Variants in COL11A2 observed in about 807,000 individuals in gnomAD.
COL11A2 encodes collagen alpha-2(XI) chain.
COL11A2 carries 116 observed loss-of-function variants against 273.4 expected under a neutral mutation model. The ratio of observed to expected loss-of-function variants is 0.42; its 90% CI spans 0.36 to 0.49. The LOEUF (loss-of-function observed/expected upper bound fraction) is 0.49. Among genes scored for constraint, COL11A2 ranks in the 20% least tolerant of loss-of-function variants. The pLI is 0.00. For synonymous variants in COL11A2, 782 were observed against 864.2 expected, an observed-to-expected ratio of 0.90 and a Z score of 1.67; for missense variants, 1,866 against 2,309.0, an observed-to-expected ratio of 0.81 and a Z score of 3.93.
chr6:33,185,201 C>T (rs1772240491), intron 6 of COL11A2, 147 bp from the exon 7 acceptor site: 1 of 703,112 alleles, frequency 1.4e-6, no homozygotes, highest in African/African-American at 1.8e-5. Flanking sequence ...CTTGCAGCCC[C>T]TTTGGAGGGG....
At position 33,168,757 on chromosome 6, in the gene COL11A2, G is replaced by A. The variant is rs774718325; in HGVS notation, c.3855C>T (p.Gly1285=). 1 of 1,596,680 alleles carries A rather than the reference G, an allele frequency of 6.3e-7. No individual in the cohort carries two copies. Among genetic ancestry groups the A allele is most frequent in the South Asian group, 1.1e-5 (1 of 88,538 alleles). ...CTCGGTCACCCTTAGCACCATCCTG[G>A]CCCTGCAGAAGTGAAGCAAGGTCAG... ...PGPPGEGGPR[G]QDGAKGDRGE... Residue 1285 remains glycine, a splice_region_variant and synonymous_variant, in exon 53 of 66, where the codon GGC becomes GGT. Coordinates refer to ENST00000341947, the MANE Select transcript of COL11A2 (RefSeq NM_080680.3).
chr6:33,175,590 C>G lies in COL11A2; in HGVS notation c.2360G>C (p.Gly787Ala). 1.2e-6 allele frequency: 2 copies of G among 1,612,924 alleles called. No homozygotes were observed. The highest frequency in any genetic ancestry group is 2.2e-5 in the South Asian group (2 of 91,080). The part of the protein sequence containing the change: ...TGPTGDPGPP[G>A]LMGEKGKLGV... ...TCCCATCACCTTCTCGCCCATGAGC[C>G]CTGGGGGCCCAGGGTCTCCAGTCGG... The change falls in exon 30 of 66, where the codon GGG becomes GCG. Residue 787 changes from glycine to alanine, a missense_variant. Gly to Ala is a moderately conservative substitution (Grantham distance 60, BLOSUM62 0). Coordinates refer to ENST00000341947, the MANE Select transcript of COL11A2 (RefSeq NM_080680.3).
In COL11A2 at chr6:33,172,643, C is replaced by T. The variant is rs751505735; in HGVS notation, c.2791-6G>A. 6.2e-7 allele frequency: 1 copy of T among 1,610,866 alleles called. No individual in the cohort carries two copies. The highest frequency in any genetic ancestry group is 8.5e-7 in the Non-Finnish European group (1 of 1,179,102). On this transcript the variant is annotated splice_polypyrimidine_tract_variant and splice_region_variant and intron_variant, in intron 38 of 65. Transcript: ENST00000341947. The stretch of plus-strand genomic sequence containing the variant: ...CCGGTTTCTCCTGCTGCTCCCTAGA[C>T]AAAAGCAGAGAGAGTTCCTGCTCTC...
At chr6:33,188,186 G>A (rs1772650725) in intron 4 of COL11A2, among the ~76,000 whole-genome samples, 176 bp downstream of exon 4, 1 of 152,016 alleles carries the variant, frequency 6.6e-6, no homozygotes, top group South Asian at 2.1e-4. Context: ...ATATAGGTAG[G>A]CATCTAGTTC....
At position 33,176,639 on chromosome 6, in the gene COL11A2, A is replaced by G; in HGVS notation, c.2115+82T>C. The G allele has an allele frequency of 6.9e-7, 1 of 1,450,832 alleles. No individual in the cohort carries two copies. The highest frequency in any genetic ancestry group is 1.8e-5 in the Admixed American group (1 of 54,436). The allele number at this position is 1,450,832 out of a possible 1,614,324, so 89.9% of individuals were successfully genotyped here. ...ATGTGGCAGAGCCATATGAATAATG[A>G]GACAAGGGAATCCCAAGGACTTTGA... On this transcript the variant is annotated intron_variant, in intron 26 of 65. Transcript: ENST00000341947. This position sits in a 1 kb window ranked among gnomAD's most constrained non-coding sequence, Gnocchi z 4.9.
intron 38 of COL11A2, 86 bp downstream of exon 38, chr6:33,172,974 G>C: frequency 7.0e-7 from 1 of 1,426,876 alleles, no homozygotes; most frequent in South Asian, 1.2e-5. Context: ...CAGGTGGACC[G>C]GGGCAGGGGC....
In COL11A2 at chr6:33,168,740, C is replaced by A; in HGVS notation, c.3872G>T (p.Gly1291Val). The A allele has an allele frequency of 6.3e-7, 1 of 1,596,360 alleles. No homozygotes were observed. ...GGPRGQDGAK[G>V]DRGEDGEPGQ... The stretch of plus-strand genomic sequence containing the variant: ...TGGCTCACCATCCTCGCCTCGGTCA[C>A]CCTTAGCACCATCCTGGCCCTGCAG... Residue 1291 changes from glycine to valine, a missense_variant, in exon 53 of 66, where the codon GGT (glycine) becomes GTT (valine). Physicochemically the swap from Gly to Val is moderately radical, Grantham distance 109. Transcript: ENST00000341947.
chr6:33,169,503 C>T lies in COL11A2; in HGVS notation c.3691-13G>A, dbSNP rs558696162. 47 of 1,611,536 alleles carry T rather than the reference C, an allele frequency of 2.9e-5. No homozygotes were observed. In the African/African-American group the frequency reaches 4.1e-4, roughly 14 times the overall value. ...CCCCGCGTGGACCCTGCAGAACAAGCGGAGGACACAGATGGCCCAGGGAAT... is the reference window on the plus strand; with the variant it reads ...CCCCGCGTGGACCCTGCAGAACAAGTGGAGGACACAGATGGCCCAGGGAAT... On this transcript the variant is annotated splice_polypyrimidine_tract_variant and intron_variant, in intron 50 of 65. Coordinates refer to ENST00000341947, the MANE Select transcript of COL11A2 (RefSeq NM_080680.3). This position sits in a 1 kb window ranked among gnomAD's most constrained non-coding sequence, Gnocchi z 5.5.
intron 5 of COL11A2, 139 bp downstream of exon 5, chr6:33,186,488 G>C (rs768930935): frequency 6.7e-5 from 101 of 1,507,334 alleles, no homozygotes; most frequent in Non-Finnish European, 8.5e-5. Flanking sequence ...AAATAAAAAG[G>C]CTGATGAATG....
Position 33,165,712 on chromosome 6 carries a change from C to G in COL11A2, c.4587G>C (p.Pro1529=). 1 of 1,611,066 alleles carries G rather than the reference C, an allele frequency of 6.2e-7. No homozygotes were observed. The highest frequency in any genetic ancestry group is 8.5e-7 in the Non-Finnish European group (1 of 1,179,962). Reference sequence around the variant, plus strand: ...CAGGACTGCCGGGGGCTCCCCCGGTCGGTATGGCCTCATCTTCCTGCATCA... The same window carrying G: ...CAGGACTGCCGGGGGCTCCCCCGGTGGGTATGGCCTCATCTTCCTGCATCA... The part of the protein sequence containing the change: ...SRLMQEDEAI[P]TGGAPGSPGG... Residue 1529 remains proline, a synonymous_variant, in exon 63 of 66, where the codon CCG becomes CCC. Transcript: ENST00000341947. The surrounding 1 kb of genome is among the most constrained non-coding windows in gnomAD (Gnocchi z 7.7).
chr6:33,171,153 G>C lies in COL11A2; in HGVS notation c.3327C>G (p.Pro1109=), dbSNP rs763806246. The change falls in exon 45 of 66, where the codon CCC becomes CCG. Residue 1109 remains proline, a synonymous_variant. Coordinates refer to ENST00000341947, the MANE Select transcript of COL11A2 (RefSeq NM_080680.3). ...GCCCCACAGGACCAATGGGTCCAGGGGGTCCAGGAGGGCCCTGGGTAAGAG... is the reference window on the plus strand; with the variant it reads ...GCCCCACAGGACCAATGGGTCCAGGCGGTCCAGGAGGGCCCTGGGTAAGAG... ...GNKGEHGPPG[P]PGPIGPVGQP... 1.2e-6 allele frequency: 2 copies of C among 1,601,618 alleles called. No homozygotes were observed. The highest frequency in any genetic ancestry group is 1.3e-5 in the African/African-American group (1 of 74,532).
At chr6:33,175,900 C>T in intron 29 of COL11A2, 116 bp downstream of exon 29, 3 of 1,345,428 alleles carry the variant, frequency 2.2e-6, no homozygotes, top group Non-Finnish European at 3.2e-6. Flanking sequence ...CCCAAGGGAA[C>T]ACAGCACTGG....
intron 7 of COL11A2, among the ~76,000 whole-genome samples, chr6:33,184,774 T>C (rs111477966): frequency 6.6e-6 from 1 of 152,244 alleles, no homozygotes; most frequent in African/African-American, 2.4e-5. Context: ...CAAAGAATCA[T>C]GGAAGGAGGC....
chr6:33,170,144 T>G lies in COL11A2; in HGVS notation c.3583-44A>C. 1 of 1,612,220 alleles carries G rather than the reference T, an allele frequency of 6.2e-7. No homozygotes were observed. Among genetic ancestry groups the G allele is most frequent in the South Asian group, 1.1e-5 (1 of 91,046 alleles). ...TAGGTGTCATTGCTTAGGATGGAGG[T>G]GCCATTTCAGGGGCAAAGTCCCAGA... On this transcript the variant is annotated intron_variant, in intron 48 of 65. Coordinates refer to ENST00000341947, the MANE Select transcript of COL11A2 (RefSeq NM_080680.3). The surrounding 1 kb of genome is among the most constrained non-coding windows in gnomAD (Gnocchi z 4.3).
chr6:33,170,396 C>T lies in COL11A2; in HGVS notation c.3529-17G>A, dbSNP rs1259266991. 1.9e-6 allele frequency: 3 copies of T among 1,612,846 alleles called. No individual in the cohort carries two copies. Among genetic ancestry groups the T allele is most frequent in the African/African-American group, 1.3e-5 (1 of 74,780 alleles). ...AGGTGGTCCCTGGGGGAAACAGATA[C>T]ACCACAGATGAGGAAGGGAAGTGAG... On this transcript the variant is annotated splice_polypyrimidine_tract_variant and intron_variant, in intron 47 of 65. Coordinates refer to ENST00000341947, the MANE Select transcript of COL11A2 (RefSeq NM_080680.3). This position sits in a 1 kb window ranked among gnomAD's most constrained non-coding sequence, Gnocchi z 4.3.
chr6:33,181,278 C>G lies in COL11A2; in HGVS notation c.1120-108G>C. ...TGATTCTTAGATCCTCTCGAGACCACTTCAGCCCTACCCGAAAGCCCCACA... is the reference window on the plus strand; with the variant it reads ...TGATTCTTAGATCCTCTCGAGACCAGTTCAGCCCTACCCGAAAGCCCCACA... On this transcript the variant is annotated intron_variant, in intron 8 of 65. Transcript: ENST00000341947. 19 of 1,155,766 alleles carry G rather than the reference C, an allele frequency of 1.6e-5. No homozygotes were observed. In the South Asian group the frequency reaches 2.3e-4, roughly 14 times the overall value. 71.6% of individuals were successfully genotyped at this position (1,155,766 alleles called of 1,614,324 possible). A position where few individuals can be genotyped will look rare whatever the true frequency, so the allele number is the denominator to read the frequency against.
chr6:33,179,765 A>G lies in COL11A2; in HGVS notation c.1400T>C (p.Val467Ala). Residue 467 changes from valine to alanine, a missense_variant, in exon 13 of 66, where the codon GTG becomes GCG. Coordinates refer to ENST00000341947, the MANE Select transcript of COL11A2 (RefSeq NM_080680.3). This position sits in a 1 kb window ranked among gnomAD's most constrained non-coding sequence, Gnocchi z 6.4. ...CTGGGCCTGAGCCTCCTGGGCCGCC[A>G]CCACAGGGCCCTTGTCACCCCCACC... is the stretch of plus-strand genomic sequence containing the variant. Reference protein sequence around the residue: ...GSGGGDKGPVVAAQEAQAQAI... With the variant: ...GSGGGDKGPVAAAQEAQAQAI... The G allele has an allele frequency of 6.2e-7, 1 of 1,611,990 alleles. No homozygotes were observed. The highest frequency in any genetic ancestry group is 1.6e-4 in the Middle Eastern group (1 of 6,062).
At chr6:33,180,598 T>A (rs1771594518) in intron 11 of COL11A2, 70 bp downstream of exon 11, 10 of 1,415,774 alleles carry the variant, frequency 7.1e-6, no homozygotes, top group African/African-American at 1.4e-5. Context: ...TTACTGGGCA[T>A]GGTAGCCCCC....
Position 33,177,174 on chromosome 6 carries a change from C to A in COL11A2, c.2016+7G>T, listed in dbSNP as rs1430602847. 22 of 1,612,950 alleles carry A rather than the reference C, an allele frequency of 1.4e-5. No individual in the cohort carries two copies. The highest frequency in any genetic ancestry group is 1.7e-5 in the Non-Finnish European group (20 of 1,180,024). On this transcript the variant is annotated splice_region_variant and intron_variant, in intron 24 of 65. Coordinates refer to ENST00000341947, the MANE Select transcript of COL11A2 (RefSeq NM_080680.3). This position sits in a 1 kb window ranked among gnomAD's most constrained non-coding sequence, Gnocchi z 5.9. ...CCCCCTGTCCTCCAAATCACTTAGT[C>A]ACTTACCTTCTCTCCATGAGGGCCG...
Sources: gnomAD v4.1 joint callset for allele counts (sites outside exome capture counted in the v4.1 genomes callset) on GRCh38, gnomAD v4.1.1 for gene constraint, Gnocchi (gnomAD v3.1) non-coding constraint, MANE v1.5 for transcripts, NCBI Gene and HGNC (gene_info 2026-07-23, HGNC 2026-07-21) for gene names.